MTUS2: variants seen among roughly 807,000 people sequenced by gnomAD.
MTUS2 encodes the protein microtubule-associated tumor suppressor candidate 2.
In MTUS2, 40 loss-of-function variants were observed where a neutral mutation model predicts 114.1. That is an observed-to-expected ratio of 0.35 (90% CI 0.27 to 0.46). MTUS2 has a LOEUF of 0.46. Ranked by LOEUF, MTUS2 falls within the 20% of genes least tolerant of loss-of-function variation. The pLI is 1.00. For missense variants in MTUS2, 1,679 were observed against 1,705.4 expected, an observed-to-expected ratio of 0.98 and a Z score of 0.27; for synonymous variants, 688 against 672.0, an observed-to-expected ratio of 1.02 and a Z score of -0.37.
intron 5 of MTUS2, among the ~76,000 whole-genome samples, chr13:29,192,836 A>G (rs1894503285): frequency 6.6e-6 from 1 of 152,226 alleles, no homozygotes; most frequent in South Asian, 2.1e-4. Flanking sequence ...GGCCACGATC[A>G]GGTTGCCTGC....
At chr13:29,483,417 C>T (rs999927669) in intron 10 of MTUS2, among the ~76,000 whole-genome samples, 1 of 152,238 alleles carries the variant, frequency 6.6e-6, no homozygotes, top group Admixed American at 6.5e-5. Context: ...TGGGCTGGCT[C>T]TCTGCCCACG....
intron 5 of MTUS2, among the ~76,000 whole-genome samples, chr13:29,267,104 C>T (rs1566100069): frequency 6.6e-6 from 1 of 152,044 alleles, no homozygotes; most frequent in East Asian, 1.9e-4. Context: ...TAACCTGGTG[C>T]CCATCACAGG....
chr13:29,366,874 T>C (rs1870766163), intron 8 of MTUS2, among the ~76,000 whole-genome samples: 2 of 152,076 alleles, frequency 1.3e-5, no homozygotes. Flanking sequence ...GCTCTTGGAG[T>C]ACCTTCTTAT....
intron 2 of MTUS2, among the ~76,000 whole-genome samples, chr13:28,937,577 A>G (rs1881976527): frequency 6.6e-6 from 1 of 152,176 alleles, no homozygotes; most frequent in Non-Finnish European, 1.5e-5. Context: ...AGGGATACCA[A>G]GAACCCACTG....
intron 7 of MTUS2, among the ~76,000 whole-genome samples, chr13:29,347,894 G>C (rs1398455324): frequency 1.4e-5 from 2 of 147,436 alleles, no homozygotes; most frequent in Non-Finnish European, 3.0e-5. Context: ...TATTATAAAA[G>C]ATATGATAAA....
intron 8 of MTUS2, among the ~76,000 whole-genome samples, chr13:29,418,246 A>G (rs1439494277): frequency 6.6e-6 from 1 of 152,144 alleles, no homozygotes; most frequent in Non-Finnish European, 1.5e-5. Flanking sequence ...GAGGCTGGAA[A>G]AAAGATTACA....
intron 8 of MTUS2, among the ~76,000 whole-genome samples, chr13:29,422,910 G>T (rs529282356): frequency 1.3e-5 from 2 of 152,122 alleles, no homozygotes; most frequent in Non-Finnish European, 2.9e-5. Flanking sequence ...GATTACAGGC[G>T]TGAGTCACCA....
At chr13:29,034,251 C>A in intron 4 of MTUS2, 126 bp downstream of exon 4, 1 of 1,273,912 alleles carries the variant, frequency 7.8e-7, no homozygotes, top group Non-Finnish European at 1.1e-6. Context: ...TCTGTTCTTC[C>A]ATATGTCTGT....
chr13:29,320,815 T>C (rs1270860330), intron 6 of MTUS2, among the ~76,000 whole-genome samples: 2 of 152,180 alleles, frequency 1.3e-5, no homozygotes, highest in East Asian at 1.9e-4. Flanking sequence ...CAACAAGAAA[T>C]GAGGACTGAG....
chr13:29,432,706 T>G (rs1877097552), intron 8 of MTUS2, among the ~76,000 whole-genome samples: 1 of 152,228 alleles, frequency 6.6e-6, no homozygotes, highest in South Asian at 2.1e-4. Flanking sequence ...CCTCTTGTAA[T>G]GGACCTGTTA....
At chr13:29,337,696 G>A (rs538161850) in intron 7 of MTUS2, among the ~76,000 whole-genome samples, 1 of 151,568 alleles carries the variant, frequency 6.6e-6, no homozygotes, top group Non-Finnish European at 1.5e-5. Context: ...CTGCCTCCCG[G>A]GTTCAAGTGA....
chr13:28,834,940 A>G (rs1874966794), intron 1 of MTUS2, among the ~76,000 whole-genome samples: 1 of 152,242 alleles, frequency 6.6e-6, no homozygotes, highest in African/African-American at 2.4e-5. Flanking sequence ...AAGGCAGTCT[A>G]CATTAGTCAT....
At chr13:29,364,025 G>A (rs1013239495) in intron 8 of MTUS2, among the ~76,000 whole-genome samples, 24 of 152,158 alleles carry the variant, frequency 1.6e-4, no homozygotes, top group African/African-American at 5.5e-4. Flanking sequence ...TACAGGCCAG[G>A]CCACACCCAA....
intron 2 of MTUS2, among the ~76,000 whole-genome samples, chr13:28,900,534 A>T (rs1257483355): frequency 2.0e-5 from 3 of 152,232 alleles, no homozygotes; most frequent in Non-Finnish European, 4.4e-5. Flanking sequence ...TAAATGTAAC[A>T]ATACAGTGTG....
chr13:29,398,506 C>A (rs183799013), intron 8 of MTUS2, among the ~76,000 whole-genome samples: 6 of 147,596 alleles, frequency 4.1e-5, no homozygotes, highest in African/African-American at 1.2e-4. Context: ...AAAAAAAGAG[C>A]GAAAAATTAA....
At chr13:29,017,238 C>T (rs1181969508) in intron 2 of MTUS2, among the ~76,000 whole-genome samples, 1 of 152,162 alleles carries the variant, frequency 6.6e-6, no homozygotes, top group Non-Finnish European at 1.5e-5. Context: ...TATATTTACC[C>T]TTGAATTTTG....
At chr13:28,866,396 A>C (rs895666922) in intron 2 of MTUS2, among the ~76,000 whole-genome samples, 2 of 152,174 alleles carry the variant, frequency 1.3e-5, no homozygotes, top group Admixed American at 1.3e-4. Flanking sequence ...ACAGGTGTCC[A>C]CGGAGAGCAT....
At chr13:28,964,256 A>G (rs1046565869) in intron 2 of MTUS2, among the ~76,000 whole-genome samples, 3 of 152,124 alleles carry the variant, frequency 2.0e-5, no homozygotes, top group Non-Finnish European at 4.4e-5. Flanking sequence ...CTAAGTCAAC[A>G]ATCCTGGCAA....
At chr13:28,899,391 C>T (rs1473738810) in intron 2 of MTUS2, among the ~76,000 whole-genome samples, 1 of 152,172 alleles carries the variant, frequency 6.6e-6, no homozygotes, top group Non-Finnish European at 1.5e-5. Context: ...AAATGCGAAG[C>T]TGTAAGAAAT....
Sources: allele counts gnomAD v4.1 joint callset (sites outside exome capture counted in the v4.1 genomes callset), GRCh38; gene constraint gnomAD v4.1.1; transcripts MANE v1.5; gene names NCBI Gene and HGNC (gene_info 2026-07-23, HGNC 2026-07-21).